The following TP63 variants were observed in gnomAD, a reference collection of about 807,000 sequenced individuals.
TP63 encodes tumor protein p63.
In TP63, 17 loss-of-function variants were observed where a neutral mutation model predicts 82.8. The observed-to-expected ratio is 0.21, with a 90% CI of 0.14 to 0.31. TP63 has a LOEUF of 0.31. Ranked by LOEUF, TP63 falls within the 10% of genes least tolerant of loss-of-function variation. The pLI, the probability that TP63 is intolerant of heterozygous loss-of-function variation, is 1.00. For missense variants in TP63, 648 were observed against 895.3 expected (o/e 0.72, Z 3.52); for synonymous variants, 330 against 321.7 (o/e 1.03, Z -0.28).
chr3:189,695,879 C>A (rs117504151), intron 1 of TP63, among the ~76,000 whole-genome samples: 1 of 151,948 alleles, frequency 6.6e-6, no homozygotes, highest in Admixed American at 6.6e-5. Flanking sequence ...ATCGTTCATT[C>A]GGTTCATTTT....
At chr3:189,772,648 T>C (rs1171862673) in intron 3 of TP63, among the ~76,000 whole-genome samples, 1 of 152,172 alleles carries the variant, frequency 6.6e-6, no homozygotes, top group Non-Finnish European at 1.5e-5. Context: ...GAAAAGTAGA[T>C]TGAATTTCTG....
At position 189,894,479 on chromosome 3, in the gene TP63, C is replaced by T. The variant is rs972760958; in HGVS notation, c.2020C>T (p.Arg674Cys). Residue 674 changes from arginine (R) to cysteine (C), a missense_variant, in exon 14 of 14, where the codon CGC becomes TGC. This residue lies in a region of TP63 where 342 missense variants were observed against 425.7 expected (regional missense o/e 0.80). Coordinates refer to ENST00000264731, the MANE Select transcript of TP63 (RefSeq NM_003722.5). The part of the protein sequence containing the change: ...DMDARRNKQQ[R>C]IKEEGE ...GGATGCTCGCCGCAATAAGCAACAG[C>T]GCATCAAAGAGGAGGGGGAGTGAGC... is the stretch of plus-strand genomic sequence containing the variant. 23 of 1,613,616 alleles carry T rather than the reference C, an allele frequency of 1.4e-5. No individual in the cohort carries two copies. The highest frequency in any genetic ancestry group is 3.3e-5 in the South Asian group (3 of 91,060).
chr3:189,892,904 C>T (rs2108869660), intron 13 of TP63, among the ~76,000 whole-genome samples: 1 of 152,270 alleles, frequency 6.6e-6, no homozygotes, highest in South Asian at 2.1e-4. Flanking sequence ...AAAATTCACA[C>T]CATAGGAAAA....
rs185274449 is a variant in TP63 at position 189,861,089 on chromosome 3, G to A, written c.580-3143G>A. The stretch of plus-strand genomic sequence containing the variant: ...TTTGGGGTTTTTGTGGTTTTTTTTC[G>A]TATGTTTAGTAGAGACTGGATTTCT... On this transcript the variant is annotated intron_variant, in intron 4 of 13. Coordinates refer to ENST00000264731, the MANE Select transcript of TP63 (RefSeq NM_003722.5). Among the ~76,000 whole-genome samples the A allele has an allele frequency of 2.2e-4, 33 of 151,122 alleles. No individual in the cohort carries two copies. The East Asian group carries it at 4.7e-3, about 21-fold the overall frequency.
At chr3:189,811,447 C>A (rs4687096) in intron 4 of TP63, among the ~76,000 whole-genome samples, 66,949 of 151,878 alleles carry the variant, frequency 0.44, 15,359 homozygotes, top group Non-Finnish European at 0.53. Flanking sequence ...TATTAAATTT[C>A]TTTCTTGTTC....
chr3:189,869,685 A>G (rs1225277056), intron 9 of TP63, among the ~76,000 whole-genome samples: 2 of 151,134 alleles, frequency 1.3e-5, no homozygotes, highest in Non-Finnish European at 2.9e-5. Context: ...GTATTCTCAT[A>G]TAGTGGAGAG....
intron 4 of TP63, among the ~76,000 whole-genome samples, chr3:189,840,203 T>A: frequency 1.3e-5 from 2 of 152,144 alleles, no homozygotes; most frequent in Non-Finnish European, 2.9e-5. Context: ...TGGTAAGTGT[T>A]GTTTTTCATT....
intron 3 of TP63, among the ~76,000 whole-genome samples, chr3:189,790,122 T>A (rs948842803): frequency 6.6e-6 from 1 of 152,018 alleles, no homozygotes; most frequent in Non-Finnish European, 1.5e-5. Context: ...AATCACTTTT[T>A]AGAAAAACAG....
At chr3:189,782,231 G>A (rs1243824106) in intron 3 of TP63, among the ~76,000 whole-genome samples, 1 of 152,174 alleles carries the variant, frequency 6.6e-6, no homozygotes, top group Non-Finnish European at 1.5e-5. Flanking sequence ...AAAGTGATGT[G>A]TTATGCAGTG....
chr3:189,849,484 C>T (rs1443633816), intron 4 of TP63, among the ~76,000 whole-genome samples: 2 of 152,004 alleles, frequency 1.3e-5, no homozygotes, highest in Admixed American at 6.6e-5. Context: ...GTGAAAAACT[C>T]CCACACATTT....
intron 3 of TP63, among the ~76,000 whole-genome samples, chr3:189,756,349 C>T (rs1190413016): frequency 1.3e-5 from 2 of 152,114 alleles, no homozygotes; most frequent in Admixed American, 6.5e-5. Flanking sequence ...ATATTCACTC[C>T]GTTTAGACTG....
upstream of TP63, among the ~76,000 whole-genome samples, chr3:189,628,670 T>C (rs1213401376): frequency 6.6e-6 from 1 of 152,178 alleles, no homozygotes; most frequent in Non-Finnish European, 1.5e-5. Flanking sequence ...TAAAAGACTC[T>C]AAAGTCTTGG....
intron 1 of TP63, among the ~76,000 whole-genome samples, chr3:189,703,427 A>AATAGATAGATAG (rs58784734): frequency 0.32 from 45,158 of 142,876 alleles, 7,542 homozygotes; most frequent in Middle Eastern, 0.35. Flanking sequence ...CCCTGTCTAA[A>AATAGATAGATAG]ATAGATAGAT....
intron 1 of TP63, among the ~76,000 whole-genome samples, chr3:189,650,378 T>C (rs1560084508): frequency 6.8e-6 from 1 of 147,112 alleles, no homozygotes; most frequent in East Asian, 2.4e-4. Flanking sequence ...ATGAGTGATA[T>C]GGTTTGGCTG....
rs1476072396 is a variant in TP63, at chr3:189,840,198, AGT to A, written c.580-24031_580-24030del. 5.9e-5 allele frequency among the ~76,000 whole-genome samples: 9 copies of A among 151,778 alleles called. No homozygotes were observed. In the South Asian group the frequency reaches 1.0e-3, roughly 18 times the overall value. On this transcript the variant is annotated intron_variant, in intron 4 of 13. Transcript: ENST00000264731. ...TTTGAGTGTATACGTACGGGTGGTA[AGT>A]GTTGTTTTTCATTGAAAGTGCAGAT...
At chr3:189,676,540 T>C (rs1369201751) in intron 1 of TP63, among the ~76,000 whole-genome samples, 1 of 151,988 alleles carries the variant, frequency 6.6e-6, no homozygotes, top group East Asian at 1.9e-4. Flanking sequence ...ATATAGAATA[T>C]ATCGTGTGTG....
Position 189,751,347 on chromosome 3 carries a change from G to A in TP63, c.324+12573G>A, listed in dbSNP as rs1416121199. 3.3e-5 allele frequency among the ~76,000 whole-genome samples: 5 copies of A among 152,288 alleles called. 1 individual carries two copies. The highest frequency in any genetic ancestry group is 4.1e-4 in the South Asian group (2 of 4,828). ...TGGGTATATACCCAGTAATGGGACCGCTGGGTCAAATGGTATTTCCAGTTC... is the reference window on the plus strand; with the variant it reads ...TGGGTATATACCCAGTAATGGGACCACTGGGTCAAATGGTATTTCCAGTTC... On this transcript the variant is annotated intron_variant, in intron 3 of 13. Coordinates refer to ENST00000264731, the MANE Select transcript of TP63 (RefSeq NM_003722.5).
At chr3:189,700,364 T>C (rs141681631) in intron 1 of TP63, among the ~76,000 whole-genome samples, 1 of 152,332 alleles carries the variant, frequency 6.6e-6, no homozygotes, top group East Asian at 1.9e-4. Context: ...CTGAATGCCT[T>C]ACTCTAGGTC....
intron 3 of TP63, among the ~76,000 whole-genome samples, chr3:189,747,206 A>G (rs983474141): frequency 6.6e-6 from 1 of 152,090 alleles, no homozygotes; most frequent in Non-Finnish European, 1.5e-5. Context: ...TAGAAAGTTA[A>G]GAAAGAAACA....
Sources: allele counts gnomAD v4.1 joint callset (sites outside exome capture counted in the v4.1 genomes callset), GRCh38; gene constraint gnomAD v4.1.1; regional missense constraint gnomAD v4.1.1; transcripts MANE v1.5; gene names NCBI Gene and HGNC (gene_info 2026-07-23, HGNC 2026-07-21).